DSCAM: variants seen among roughly 807,000 people sequenced by gnomAD.
DSCAM encodes the protein DS cell adhesion molecule.
DSCAM carries 47 observed loss-of-function variants against 217.7 expected under a neutral mutation model. The ratio of observed to expected loss-of-function variants is 0.22; its 90% CI spans 0.17 to 0.28. The LOEUF is 0.28. Among genes scored for constraint, DSCAM ranks in the 10% least tolerant of loss-of-function variants. DSCAM has a pLI of 1.00. For synonymous variants in DSCAM, 1,056 were observed against 1,015.3 expected, an observed-to-expected ratio of 1.04 and a Z score of -0.76; for missense variants, 2,080 against 2,618.3, an observed-to-expected ratio of 0.79 and a Z score of 4.49.
At chr21:40,162,506 G>T (rs1442962809) in intron 16 of DSCAM, among the ~76,000 whole-genome samples, 1 of 152,158 alleles carries the variant, frequency 6.6e-6, no homozygotes, top group African/African-American at 2.4e-5. Context: ...AAATAAGGCA[G>T]TTTTGTTTTT....
chr21:40,537,239 A>T (rs1173884021), intron 3 of DSCAM, among the ~76,000 whole-genome samples: 1 of 152,202 alleles, frequency 6.6e-6, no homozygotes, highest in Non-Finnish European at 1.5e-5. Context: ...CTGAAATATC[A>T]TATCACTCAG....
At chr21:40,054,804 G>T (rs2088987369) in intron 29 of DSCAM, among the ~76,000 whole-genome samples, 2 of 152,160 alleles carry the variant, frequency 1.3e-5, no homozygotes, top group African/African-American at 4.8e-5. Flanking sequence ...GGCCAGGTGG[G>T]GAACCTGGTT....
chr21:40,302,074 G>A (rs1050797257), intron 9 of DSCAM, among the ~76,000 whole-genome samples: 19 of 152,138 alleles, frequency 1.2e-4, no homozygotes, highest in Admixed American at 3.3e-4. Flanking sequence ...CAAGGTTGTT[G>A]GTTTCCTTTT....
chr21:40,360,048 G>T (rs1462306158), intron 4 of DSCAM, among the ~76,000 whole-genome samples: 1 of 151,098 alleles, frequency 6.6e-6, no homozygotes, highest in East Asian at 1.9e-4. Flanking sequence ...TGTTACATGG[G>T]AATATTACGT....
Position 40,023,375 on chromosome 21 carries a change from T to A in DSCAM, c.5687-9989A>T, listed in dbSNP as rs1310848038. 5.9e-5 allele frequency among the ~76,000 whole-genome samples: 9 copies of A among 152,154 alleles called. No homozygotes were observed. The East Asian group carries it at 1.2e-3, about 20-fold the overall frequency. ...GCAGCATGATTTATATTCCTTTGGG[T>A]ATATACCCAGTAATGGGATGGCTGG... On this transcript the variant is annotated intron_variant, in intron 32 of 32. Coordinates refer to ENST00000400454, the MANE Select transcript of DSCAM (RefSeq NM_001389.5).
intron 11 of DSCAM, among the ~76,000 whole-genome samples, chr21:40,244,930 C>T (rs977767237): frequency 2.6e-5 from 4 of 151,800 alleles, no homozygotes; most frequent in African/African-American, 9.7e-5. Context: ...TCATTTCCGC[C>T]GACTGCCAAG....
chr21:40,693,273 A>G (rs1016913391), intron 2 of DSCAM, among the ~76,000 whole-genome samples: 1 of 152,050 alleles, frequency 6.6e-6, no homozygotes, highest in Non-Finnish European at 1.5e-5. Context: ...CATCTCTACT[A>G]AAAATACAAA....
At chr21:40,026,093 A>G (rs138674528) in intron 32 of DSCAM, among the ~76,000 whole-genome samples, 3,214 of 142,020 alleles carry the variant, frequency 0.023, 377 homozygotes, top group African/African-American at 0.077. Flanking sequence ...GTTGGTTTCA[A>G]AGAACATCTT....
chr21:40,539,037 G>C (rs183926843), intron 3 of DSCAM, among the ~76,000 whole-genome samples: 1 of 152,118 alleles, frequency 6.6e-6, no homozygotes, highest in African/African-American at 2.4e-5. Context: ...CTTGGGACTA[G>C]GATGGAACCT....
At chr21:40,399,296 C>CAAAACAA (rs199558211) in intron 3 of DSCAM, among the ~76,000 whole-genome samples, 2 of 151,816 alleles carry the variant, frequency 1.3e-5, no homozygotes, top group Admixed American at 1.3e-4. Context: ...CAAAACAAAA[C>CAAAACAA]AAAACAAAAC....
At chr21:40,823,604 T>C (rs941340259) in intron 1 of DSCAM, among the ~76,000 whole-genome samples, 6 of 152,174 alleles carry the variant, frequency 3.9e-5, no homozygotes, top group Admixed American at 2.6e-4. Context: ...AGCTTTATGC[T>C]AACAGGAACC....
chr21:40,342,937 T>G (rs1056823348), intron 6 of DSCAM, among the ~76,000 whole-genome samples: 7 of 151,656 alleles, frequency 4.6e-5, no homozygotes, highest in African/African-American at 1.7e-4. Context: ...TATTTAGTTT[T>G]CTAATCCTTG....
intron 11 of DSCAM, among the ~76,000 whole-genome samples, chr21:40,243,200 C>T (rs1039672660): frequency 6.6e-6 from 1 of 152,088 alleles, no homozygotes; most frequent in African/African-American, 2.4e-5. Flanking sequence ...CCCTGCAATA[C>T]TCCTGTTACA....
At chr21:40,021,118 G>A (rs1347168173) in intron 32 of DSCAM, among the ~76,000 whole-genome samples, 1 of 150,502 alleles carries the variant, frequency 6.6e-6, no homozygotes, top group Admixed American at 6.7e-5. Context: ...GAGAGAGAGA[G>A]GGATCAGAGA....
rs1356094026 is a variant in DSCAM at position 40,307,259 on chromosome 21, A to G, written c.2062+4822T>C. ...CAAGAAAAAAAAAACAACCCCATCAAAAAGTAGGCAAAGGACATGAACAGA... is the reference window on the plus strand; with the variant it reads ...CAAGAAAAAAAAAACAACCCCATCAGAAAGTAGGCAAAGGACATGAACAGA... On this transcript the variant is annotated intron_variant, in intron 9 of 32. Coordinates refer to ENST00000400454, the MANE Select transcript of DSCAM (RefSeq NM_001389.5). 2.0e-5 allele frequency among the ~76,000 whole-genome samples: 3 copies of G among 152,156 alleles called. No individual in the cohort carries two copies. The East Asian group carries it at 5.8e-4, about 29-fold the overall frequency.
intron 3 of DSCAM, among the ~76,000 whole-genome samples, chr21:40,391,415 T>G (rs2075133041): frequency 6.6e-6 from 1 of 152,244 alleles, no homozygotes; most frequent in African/African-American, 2.4e-5. Context: ...GTGCAAAGAA[T>G]GCAGATTGAG....
chr21:40,170,782 GTTACACTTAACTGAA>G (rs2146781922), intron 15 of DSCAM, among the ~76,000 whole-genome samples: 1 of 152,244 alleles, frequency 6.6e-6, no homozygotes, highest in South Asian at 2.1e-4. Context: ...CTTTAATTTA[GTTACACTTAACTGAA>G]TTTGACAAGA....
At chr21:40,412,904 T>C (rs917202920) in intron 3 of DSCAM, among the ~76,000 whole-genome samples, 2 of 152,188 alleles carry the variant, frequency 1.3e-5, no homozygotes, top group African/African-American at 4.8e-5. Flanking sequence ...AAGGTCTCTG[T>C]GTGCAGCCTA....
rs115074435 is a variant in DSCAM at position 40,108,029 on chromosome 21, T to C, written c.3697-14155A>G. ...ACACACCTCAAAGTATTATGACCCATATATGACAAACCCACAGCCAACATC... is the reference window on the plus strand; with the variant it reads ...ACACACCTCAAAGTATTATGACCCACATATGACAAACCCACAGCCAACATC... On this transcript the variant is annotated intron_variant, in intron 20 of 32. Coordinates refer to ENST00000400454, the MANE Select transcript of DSCAM (RefSeq NM_001389.5). Among the ~76,000 whole-genome samples the C allele has an allele frequency of 8.1e-3, 1,234 of 152,230 alleles. 17 individuals carry two copies. The highest frequency in any genetic ancestry group is 0.028 in the African/African-American group (1,163 of 41,530).
Sources: gnomAD v4.1 joint callset for allele counts (sites outside exome capture counted in the v4.1 genomes callset) on GRCh38, gnomAD v4.1.1 for gene constraint, MANE v1.5 for transcripts, NCBI Gene and HGNC (gene_info 2026-07-23, HGNC 2026-07-21) for gene names.